Variants in SPECC1 observed in about 807,000 individuals in gnomAD.
SPECC1 encodes the protein cytospin-B.
In SPECC1, 62 loss-of-function variants were observed where a neutral mutation model predicts 104.1. The ratio of observed to expected loss-of-function variants is 0.60; its 90% CI spans 0.49 to 0.74. SPECC1 has a LOEUF of 0.74. SPECC1 is among the 30% of genes least tolerant of loss of function. The pLI, the probability that SPECC1 is intolerant of heterozygous loss-of-function variation, is 0.00. For synonymous variants in SPECC1, 513 were observed against 501.6 expected (o/e 1.02, Z -0.30); for missense variants, 1,306 against 1,310.5 (o/e 1.00, Z 0.05).
At chr17:20,040,644 G>A (rs755177045) in intron 1 of SPECC1, among the ~76,000 whole-genome samples, 3 of 152,104 alleles carry the variant, frequency 2.0e-5, no homozygotes, top group Admixed American at 6.6e-5. Flanking sequence ...GAAAACCATT[G>A]TGTCATTTCC....
intron 3 of SPECC1, among the ~76,000 whole-genome samples, chr17:20,134,428 C>T (rs539039696): frequency 1.3e-5 from 2 of 151,854 alleles, no homozygotes; most frequent in South Asian, 4.2e-4. Context: ...CCTTTCACTG[C>T]CCCATACTCA....
intron 3 of SPECC1, among the ~76,000 whole-genome samples, chr17:20,125,377 T>C (rs73299664): frequency 0.055 from 8,336 of 152,212 alleles, 734 homozygotes; most frequent in African/African-American, 0.19. Flanking sequence ...TGTCTGTATT[T>C]TCATTTTCTT....
At chr17:20,213,823 A>T (rs1462033415) in intron 4 of SPECC1, among the ~76,000 whole-genome samples, 3 of 152,110 alleles carry the variant, frequency 2.0e-5, no homozygotes, top group Non-Finnish European at 2.9e-5. Context: ...CCTGGTGGAG[A>T]CACCAGCCAA....
intron 3 of SPECC1, among the ~76,000 whole-genome samples, chr17:20,198,461 C>T (rs2036186083): frequency 1.3e-5 from 2 of 152,232 alleles, no homozygotes; most frequent in South Asian, 4.1e-4. Context: ...ATCCCATCAG[C>T]TCTTAAGTTT....
At chr17:20,080,422 C>G (rs1400648208) in intron 1 of SPECC1, among the ~76,000 whole-genome samples, 1 of 152,062 alleles carries the variant, frequency 6.6e-6, no homozygotes, top group African/African-American at 2.4e-5. Context: ...CACATTACAA[C>G]CCGGGGGATC....
chr17:20,156,280 C>CG (rs1254857508), intron 3 of SPECC1: 4 of 1,328,148 alleles, frequency 3.0e-6, no homozygotes, highest in African/African-American at 1.5e-5. Flanking sequence ...GCAACCCCAC[C>CG]CCCCCTCCAG....
intron 9 of SPECC1, among the ~76,000 whole-genome samples, chr17:20,248,228 C>G (rs777417110): frequency 6.6e-5 from 10 of 152,196 alleles, no homozygotes; most frequent in African/African-American, 9.6e-5. Flanking sequence ...AAGCCTTACA[C>G]TCCCTTGCAC....
At chr17:20,203,916 C>G (rs567161124) in intron 3 of SPECC1, among the ~76,000 whole-genome samples, 3 of 152,342 alleles carry the variant, frequency 2.0e-5, no homozygotes, top group South Asian at 2.1e-4. Context: ...TTCCTTCTTC[C>G]TTCTCTGCCA....
chr17:20,158,277 G>T (rs2032789439), intron 3 of SPECC1, among the ~76,000 whole-genome samples: 1 of 152,174 alleles, frequency 6.6e-6, no homozygotes, highest in Admixed American at 6.5e-5. Context: ...AGTGATAGCA[G>T]CACACAAGCC....
At chr17:20,307,409 T>C (rs55650639) in intron 14 of SPECC1, among the ~76,000 whole-genome samples, 7,989 of 152,250 alleles carry the variant, frequency 0.052, 288 homozygotes, top group Non-Finnish European at 0.079. Flanking sequence ...GCTGCCAAAC[T>C]TCAGACATCA....
chr17:20,015,261 AT>A (rs1469863158), intron 1 of SPECC1, among the ~76,000 whole-genome samples: 1 of 148,006 alleles, frequency 6.8e-6, no homozygotes, highest in Middle Eastern at 3.5e-3. Flanking sequence ...TGAAATAAGC[AT>A]TTTTTTCTCT....
intron 1 of SPECC1, 134 bp from the exon 2 acceptor site, chr17:20,096,497 T>G: frequency 9.4e-7 from 1 of 1,062,756 alleles, no homozygotes; most frequent in Non-Finnish European, 1.4e-6. Context: ...GAATATTCTA[T>G]TTCCAGCCAA....
intron 3 of SPECC1, chr17:20,113,106 A>T (rs1257631214): frequency 3.0e-6 from 2 of 672,100 alleles, no homozygotes; most frequent in Non-Finnish European, 5.4e-6. Flanking sequence ...TTAAAAAAAA[A>T]TTTAGAGGAT....
At chr17:20,185,521 C>G (rs2035208079) in intron 3 of SPECC1, among the ~76,000 whole-genome samples, 1 of 152,196 alleles carries the variant, frequency 6.6e-6, no homozygotes, top group Non-Finnish European at 1.5e-5. Flanking sequence ...GGAGCCACCT[C>G]CTAGTGTCTA....
At position 20,111,733 on chromosome 17, in the gene SPECC1, A is replaced by AG. The variant is rs1597730259; in HGVS notation, c.283+1174dup. On this transcript the variant is annotated intron_variant, in intron 3 of 14. Coordinates refer to ENST00000395527, the MANE Select transcript of SPECC1 (RefSeq NM_001243439.2). ...AAAGGAGGCGAATCCCAGTGGGTGG[A>AG]GGGAGGGGAAAGGCGGAAGGAGAAA... 5.0e-6 allele frequency: 3 copies of AG among 603,282 alleles called. No individual in the cohort carries two copies. The East Asian group carries it at 9.3e-5, about 19-fold the overall frequency. The allele number at this position is 603,282 out of a possible 1,614,324, so 37.4% of individuals were successfully genotyped here.
intron 12 of SPECC1, among the ~76,000 whole-genome samples, chr17:20,284,995 T>TA (rs2040893265): frequency 6.6e-6 from 1 of 152,184 alleles, no homozygotes; most frequent in Non-Finnish European, 1.5e-5. Flanking sequence ...AGGTCCTTGG[T>TA]GAAGGTAAAG....
At chr17:20,117,798 C>T (rs2048835097) in intron 3 of SPECC1, among the ~76,000 whole-genome samples, 1 of 151,464 alleles carries the variant, frequency 6.6e-6, no homozygotes. Flanking sequence ...AGATACTAAG[C>T]CTTACTTAAG....
At chr17:20,091,674 C>T (rs547434574) in intron 1 of SPECC1, among the ~76,000 whole-genome samples, 3 of 152,306 alleles carry the variant, frequency 2.0e-5, no homozygotes, top group South Asian at 2.1e-4. Flanking sequence ...GGTTCACTTA[C>T]GTTCTATTTC....
rs183919809 is a variant in SPECC1, at chr17:20,109,784, T to G, written c.148-643T>G. On this transcript the variant is annotated intron_variant, in intron 2 of 14. Coordinates refer to ENST00000395527, the MANE Select transcript of SPECC1 (RefSeq NM_001243439.2). The stretch of plus-strand genomic sequence containing the variant: ...CTTTTGCATTGCCCTACCCTGCCTT[T>G]TGTGCATCTCCCAGTTCTTTTTTCA... 3.4e-3 allele frequency among the ~76,000 whole-genome samples: 513 copies of G among 152,324 alleles called. 3 individuals carry two copies. Among genetic ancestry groups the G allele is most frequent in the African/African-American group, 0.012 (486 of 41,554 alleles).
Sources: gnomAD v4.1 joint callset for allele counts (sites outside exome capture counted in the v4.1 genomes callset) on GRCh38, gnomAD v4.1.1 for gene constraint, MANE v1.5 for transcripts, NCBI Gene and HGNC (gene_info 2026-07-23, HGNC 2026-07-21) for gene names.